The following SLC6A3 variants were observed in gnomAD, a reference collection of about 807,000 sequenced individuals.
The protein encoded by SLC6A3 is solute carrier family 6 member 3.
Under a neutral mutation model 70.4 loss-of-function variants are expected in SLC6A3, and 19 were observed. The observed-to-expected ratio is 0.27, with a 90% confidence interval of 0.19 to 0.40. The LOEUF (loss-of-function observed/expected upper bound fraction) is 0.40, where lower values mean the gene tolerates loss of function less well. Ranked by LOEUF, SLC6A3 falls within the 10% of genes least tolerant of loss-of-function variation. The probability of loss-of-function intolerance (pLI) is 1.00; values close to 1 mark genes in which losing one functional copy is unlikely to be tolerated. For synonymous variants in SLC6A3, 368 were observed against 356.6 expected, an observed-to-expected ratio of 1.03 and a Z score of -0.36; for missense variants, 613 against 838.5, an observed-to-expected ratio of 0.73 and a Z score of 3.32.
At chr5:1,398,342 C>T (rs141808527) in intron 14 of SLC6A3, among the ~76,000 whole-genome samples, 1,502 of 127,256 alleles carry the variant, frequency 0.012, 16 homozygotes, top group Middle Eastern at 0.021. Context: ...GCCTGGGTGA[C>T]AGAGCAAGAC....
chr5:1,431,198 G>A (rs1460563892), intron 4 of SLC6A3, among the ~76,000 whole-genome samples: 4 of 152,272 alleles, frequency 2.6e-5, no homozygotes, highest in Admixed American at 6.5e-5. Context: ...TCCAGATTCC[G>A]GGAGGGGTCC....
chr5:1,441,491 C>G lies in SLC6A3; in HGVS notation c.287-1G>C. 6.2e-7 allele frequency: 1 copy of G among 1,613,902 alleles called. No homozygotes were observed. The highest frequency in any genetic ancestry group is 8.5e-7 in the Non-Finnish European group (1 of 1,179,924). The stretch of plus-strand genomic sequence containing the variant: ...AGCAGGTAGGGGACCAGGAAGGCAC[C>G]TGTGGGGCAGAAAAGCACCTTTAGT... On this transcript the variant is annotated splice_acceptor_variant, in intron 2 of 14. Transcript: ENST00000270349. LOFTEE classifies it high-confidence loss of function.
intron 14 of SLC6A3, among the ~76,000 whole-genome samples, chr5:1,399,100 C>T (rs1195695826): frequency 1.3e-5 from 2 of 152,090 alleles, no homozygotes; most frequent in African/African-American, 4.8e-5. Flanking sequence ...CTAAAGAAGT[C>T]TCAATACATT....
chr5:1,416,044 G>C (rs1011218550), intron 7 of SLC6A3, 54 bp downstream of exon 7: 3 of 1,344,456 alleles, frequency 2.2e-6, no homozygotes, highest in Admixed American at 1.7e-5. Context: ...CTGGAAGTCA[G>C]CGACCTCTCC....
At chr5:1,420,054 C>T (rs991779377) in intron 6 of SLC6A3, among the ~76,000 whole-genome samples, 5 of 152,226 alleles carry the variant, frequency 3.3e-5, no homozygotes, top group African/African-American at 1.2e-4. Context: ...ATGGCCCTTC[C>T]CCTCTTGCTG....
chr5:1,444,839 C>T (rs1232399465), intron 1 of SLC6A3, among the ~76,000 whole-genome samples: 5 of 152,256 alleles, frequency 3.3e-5, no homozygotes, highest in African/African-American at 1.2e-4. Flanking sequence ...CAAGAAGCGG[C>T]GCTGCCTGGC....
chr5:1,429,821 C>T (rs1313784377), intron 4 of SLC6A3, among the ~76,000 whole-genome samples: 1 of 152,204 alleles, frequency 6.6e-6, no homozygotes, highest in Non-Finnish European at 1.5e-5. Context: ...GCTGGGCACA[C>T]AGCAAGAGCA....
intron 4 of SLC6A3, among the ~76,000 whole-genome samples, chr5:1,429,496 G>C (rs771597181): frequency 3.3e-5 from 5 of 152,158 alleles, no homozygotes; most frequent in Admixed American, 3.3e-4. Flanking sequence ...TAGTCTGATC[G>C]TTTAAAATAA....
At chr5:1,412,421 C>CA (rs1294960990) in intron 8 of SLC6A3, among the ~76,000 whole-genome samples, 1 of 152,356 alleles carries the variant, frequency 6.6e-6, no homozygotes, top group East Asian at 1.9e-4. Flanking sequence ...GCTATCCCTG[C>CA]AAGCGAGGGG....
At chr5:1,415,006 A>G (rs1397964815) in intron 7 of SLC6A3, among the ~76,000 whole-genome samples, 191 bp from the exon 8 acceptor site, 1 of 152,138 alleles carries the variant, frequency 6.6e-6, no homozygotes, top group Non-Finnish European at 1.5e-5. Context: ...TTGGTCCCCT[A>G]GCTGAGCTGC....
Position 1,432,453 on chromosome 5 carries a change from C to G in SLC6A3, c.653+11G>C, listed in dbSNP as rs768477286. The G allele has an allele frequency of 6.2e-7, 1 of 1,605,286 alleles. No homozygotes were observed. The highest frequency in any genetic ancestry group is 2.2e-5 in the East Asian group (1 of 44,848). ...ATCTCTCCCGTTCCCGAGGACCCGA[C>G]TCCCACTTACTCAAAGTACTCGGCA... is the stretch of plus-strand genomic sequence containing the variant. On this transcript the variant is annotated intron_variant, in intron 4 of 14. Transcript: ENST00000270349.
In SLC6A3 at chr5:1,393,935, G is replaced by C. The variant is rs1299259225; in HGVS notation, c.*800C>G. The C allele has an allele frequency of 7.8e-6, 1 of 127,688 alleles. No individual in the cohort carries two copies. The highest frequency in any genetic ancestry group is 1.7e-5 in the Non-Finnish European group (1 of 58,944). The allele number at this position is 127,688 out of a possible 1,614,324, so 7.9% of individuals were successfully genotyped here. A position where few individuals can be genotyped will look rare whatever the true frequency, so the allele number is the denominator to read the frequency against. ...GGGCCCTGCATGCGTCCGGGGATAGGACACGCTCCTGTGGGGGCCCTGCAT... is the reference window on the plus strand; with the variant it reads ...GGGCCCTGCATGCGTCCGGGGATAGCACACGCTCCTGTGGGGGCCCTGCAT... On this transcript the variant is annotated 3_prime_UTR_variant, in exon 15 of 15. Coordinates refer to ENST00000270349, the MANE Select transcript of SLC6A3 (RefSeq NM_001044.5).
intron 4 of SLC6A3, among the ~76,000 whole-genome samples, chr5:1,427,003 A>G (rs1452305092): frequency 1.3e-5 from 2 of 152,248 alleles, no homozygotes; most frequent in Non-Finnish European, 2.9e-5. Context: ...GTAAAGCCCA[A>G]GCTGAATCAC....
intron 1 of SLC6A3, among the ~76,000 whole-genome samples, chr5:1,444,604 G>A (rs577826326): frequency 1.3e-4 from 20 of 152,278 alleles, no homozygotes; most frequent in African/African-American, 4.6e-4. Context: ...CAACCGGCAC[G>A]ACCCCTCCGG....
chr5:1,435,715 TC>T (rs879517048), intron 3 of SLC6A3, among the ~76,000 whole-genome samples: 4,698 of 149,722 alleles, frequency 0.031, 476 homozygotes, highest in Non-Finnish European at 0.042. Context: ...AGGAAATGGC[TC>T]CCTTGAACAG....
intron 4 of SLC6A3, among the ~76,000 whole-genome samples, chr5:1,425,066 GGGA>G (rs1391243824): frequency 6.6e-6 from 1 of 152,244 alleles, no homozygotes; most frequent in Non-Finnish European, 1.5e-5. Flanking sequence ...CATAATAGTT[GGGA>G]GGACCAGAAA....
At position 1,404,611 on chromosome 5, in the gene SLC6A3, C is replaced by T. The variant is rs11564766; in HGVS notation, c.1600-1522G>A. ...GAGACTGGGGCGTGTACACCCCTTA[C>T]GACCAGAGGTTAGCACACGCCAGAG... On this transcript the variant is annotated intron_variant, in intron 12 of 14. Coordinates refer to ENST00000270349, the MANE Select transcript of SLC6A3 (RefSeq NM_001044.5). The surrounding 1 kb of genome is among the most constrained non-coding windows in gnomAD (Gnocchi z 5.2). 0.056 allele frequency among the ~76,000 whole-genome samples: 8,460 copies of T among 152,296 alleles called. 267 individuals carry two copies. The highest frequency in any genetic ancestry group is 0.063 in the Non-Finnish European group (4,299 of 68,030).
At chr5:1,441,955 C>T (rs183853598) in intron 2 of SLC6A3, among the ~76,000 whole-genome samples, 38 of 152,294 alleles carry the variant, frequency 2.5e-4, no homozygotes, top group African/African-American at 7.9e-4. Context: ...AGAGGCTGCC[C>T]CTATTGACTG....
intron 14 of SLC6A3, among the ~76,000 whole-genome samples, chr5:1,399,793 T>A (rs566848821): frequency 2.0e-5 from 3 of 152,318 alleles, no homozygotes; most frequent in African/African-American, 7.2e-5. Flanking sequence ...AGGAACAAGC[T>A]GTGCAGATGT....
Sources: allele counts gnomAD v4.1 joint callset (sites outside exome capture counted in the v4.1 genomes callset), GRCh38; gene constraint gnomAD v4.1.1; non-coding constraint Gnocchi (gnomAD v3.1); transcripts MANE v1.5; gene names NCBI Gene and HGNC (gene_info 2026-07-23, HGNC 2026-07-21).